Variants in DHX37 observed in about 807,000 individuals in gnomAD.
DHX37 encodes the protein DEAH-box helicase 37, also known as probable ATP-dependent RNA helicase DHX37.
DHX37 carries 52 observed loss-of-function variants against 134.3 expected under a neutral mutation model. That is an observed-to-expected ratio of 0.39 (90% CI 0.31 to 0.49). The LOEUF is 0.49. DHX37 is among the 20% of genes least tolerant of loss of function. DHX37 has a pLI of 0.93. For missense variants in DHX37, 1,344 were observed against 1,580.8 expected (o/e 0.85, Z 2.54); for synonymous variants, 634 against 670.7 (o/e 0.95, Z 0.85).
At chr12:124,960,178 C>T in intron 16 of DHX37, 134 bp downstream of exon 16, 2 of 1,438,628 alleles carry the variant, frequency 1.4e-6, no homozygotes, top group South Asian at 1.4e-5. Context: ...CCTGGGAGCA[C>T]CTGCTGATGC....
chr12:124,962,385 G>A (rs1194501896), intron 15 of DHX37, among the ~76,000 whole-genome samples: 10 of 152,292 alleles, frequency 6.6e-5, no homozygotes, highest in East Asian at 5.8e-4. Flanking sequence ...GCCGGGCGCC[G>A]TGGCTAATGC....
intron 1 of DHX37, among the ~76,000 whole-genome samples, chr12:124,988,584 G>T (rs1954919024): frequency 6.6e-6 from 1 of 152,084 alleles, no homozygotes; most frequent in Non-Finnish European, 1.5e-5. Flanking sequence ...AGACAAGACT[G>T]GGCTGAAAAT....
At chr12:124,955,081 T>C (rs1250829637) in intron 18 of DHX37, among the ~76,000 whole-genome samples, 1 of 152,240 alleles carries the variant, frequency 6.6e-6, no homozygotes, top group Non-Finnish European at 1.5e-5. Context: ...CCAGGAGATC[T>C]GGGCAGAGGC....
At position 124,949,604 on chromosome 12, in the gene DHX37, T is replaced by C. The variant is rs1409984404; in HGVS notation, c.3290+382A>G. Among the ~76,000 whole-genome samples the C allele has an allele frequency of 1.3e-5, 2 of 152,072 alleles. No homozygotes were observed. Among genetic ancestry groups the C allele is most frequent in the African/African-American group, 4.8e-5 (2 of 41,408 alleles). ...CCCAGAACATCAGCGTGTGACCTTA[T>C]ATGGAAAGAGGGTCACTGCAAATGT... On this transcript the variant is annotated intron_variant, in intron 25 of 26. Transcript: ENST00000308736. This position sits in a 1 kb window ranked among gnomAD's most constrained non-coding sequence, Gnocchi z 4.0.
chr12:124,972,451 C>T, intron 7 of DHX37, 52 bp downstream of exon 7: 1 of 1,594,536 alleles, frequency 6.3e-7, no homozygotes, highest in Admixed American at 1.7e-5. Flanking sequence ...ATCCTAGCAT[C>T]CCGCCCCCAT....
At chr12:124,965,274 G>C (rs75203512) in intron 13 of DHX37, among the ~76,000 whole-genome samples, 7,039 of 152,282 alleles carry the variant, frequency 0.046, 180 homozygotes, top group Middle Eastern at 0.11. Context: ...ATGGATCCCG[G>C]GAGCCTGACT....
chr12:124,966,584 A>C (rs1408958211), intron 12 of DHX37, among the ~76,000 whole-genome samples: 4 of 151,926 alleles, frequency 2.6e-5, no homozygotes, highest in African/African-American at 9.7e-5. Flanking sequence ...AGCTGGTCTC[A>C]AACTCTAGGC....
chr12:124,979,797 G>A (rs561014790), intron 4 of DHX37, among the ~76,000 whole-genome samples: 6 of 152,342 alleles, frequency 3.9e-5, no homozygotes, highest in Admixed American at 2.6e-4. Context: ...ACTGGGTGAT[G>A]ACATCACCTA....
At chr12:124,971,163 G>A (rs1316202180) in intron 8 of DHX37, 139 bp downstream of exon 8, 11 of 1,372,974 alleles carry the variant, frequency 8.0e-6, no homozygotes, top group Non-Finnish European at 7.8e-6. Flanking sequence ...CTAGGCCCAG[G>A]GAGACCTTGT....
At chr12:124,967,655 C>T (rs7350634) in intron 10 of DHX37, among the ~76,000 whole-genome samples, 24,272 of 152,154 alleles carry the variant, frequency 0.16, 2,095 homozygotes, top group Middle Eastern at 0.29. Context: ...CAGAGCATCA[C>T]GAAGCAGCAA....
intron 8 of DHX37, 128 bp from the exon 9 acceptor site, chr12:124,969,096 T>A (rs1954464172): frequency 1.2e-6 from 1 of 855,488 alleles, no homozygotes; most frequent in South Asian, 1.6e-5. Context: ...CCTTTCTGGA[T>A]GCCAAAGGCT....
At position 124,980,431 on chromosome 12, in the gene DHX37, C is replaced by T. The variant is rs368066189; in HGVS notation, c.738+59G>A. 1.3e-6 allele frequency: 2 copies of T among 1,564,622 alleles called. No homozygotes were observed. Among genetic ancestry groups the T allele is most frequent in the Non-Finnish European group, 8.6e-7 (1 of 1,157,992 alleles). On this transcript the variant is annotated intron_variant, in intron 4 of 26. Coordinates refer to ENST00000308736, the MANE Select transcript of DHX37 (RefSeq NM_032656.4). The surrounding 1 kb of genome is among the most constrained non-coding windows in gnomAD (Gnocchi z 5.3). ...CCTTGCCCCACTTCACCAGGACGCC[C>T]TCTGTGCGCCCCTTGCCCGCTAACC...
At chr12:124,975,288 GC>G (rs1395911105) in intron 6 of DHX37, 130 bp downstream of exon 6, 1 of 887,142 alleles carries the variant, frequency 1.1e-6, no homozygotes, top group African/African-American at 1.7e-5. Context: ...GATTCCCAGT[GC>G]TACATGCAGA....
chr12:124,988,024 C>T (rs1369035800), intron 1 of DHX37, among the ~76,000 whole-genome samples: 4 of 138,356 alleles, frequency 2.9e-5, no homozygotes, highest in Non-Finnish European at 6.1e-5. Context: ...GATGGAGTCT[C>T]GCTCTCTCAC....
intron 15 of DHX37, among the ~76,000 whole-genome samples, chr12:124,963,159 A>C (rs992914629): frequency 6.6e-6 from 1 of 152,192 alleles, no homozygotes; most frequent in African/African-American, 2.4e-5. Context: ...GTGTGATATC[A>C]TTCAGCCACG....
intron 15 of DHX37, among the ~76,000 whole-genome samples, chr12:124,963,878 CAAAAAAAAAAAAAAA>C (rs71092251): frequency 3.1e-4 from 28 of 91,666 alleles, no homozygotes; most frequent in Middle Eastern, 6.2e-3. Context: ...AGACTCGTCT[CAAAAAAAAAAAAAAA>C]AAAAAAAAAA....
chr12:124,964,051 T>C lies in DHX37; in HGVS notation c.2045+343A>G, dbSNP rs1028170326. 1.1e-3 allele frequency among the ~76,000 whole-genome samples: 168 copies of C among 150,656 alleles called. 13 individuals carry two copies. Among genetic ancestry groups the C allele is most frequent in the Non-Finnish European group, 3.3e-4 (22 of 67,688 alleles). On this transcript the variant is annotated intron_variant, in intron 15 of 26. Coordinates refer to ENST00000308736, the MANE Select transcript of DHX37 (RefSeq NM_032656.4). ...ATATAATAAAAATACACAAATTAGCTGGGCGTGGTGGCGCACACCAGTAAT... is the reference window on the plus strand; with the variant it reads ...ATATAATAAAAATACACAAATTAGCCGGGCGTGGTGGCGCACACCAGTAAT...
chr12:124,969,319 G>C (rs535701787), intron 8 of DHX37, among the ~76,000 whole-genome samples: 3 of 152,272 alleles, frequency 2.0e-5, no homozygotes, highest in East Asian at 3.9e-4. Flanking sequence ...TGGGGTCTGT[G>C]GGGGGTGGGA....
chr12:124,962,510 G>A (rs1594485728), intron 15 of DHX37, among the ~76,000 whole-genome samples: 1 of 152,124 alleles, frequency 6.6e-6, no homozygotes, highest in South Asian at 2.1e-4. Flanking sequence ...ACAAAAATTA[G>A]CTGGGCGTGG....
Sources: allele counts gnomAD v4.1 joint callset (sites outside exome capture counted in the v4.1 genomes callset), GRCh38; gene constraint gnomAD v4.1.1; non-coding constraint Gnocchi (gnomAD v3.1); transcripts MANE v1.5; gene names NCBI Gene and HGNC (gene_info 2026-07-23, HGNC 2026-07-21).